Variants in CUX1 observed in about 807,000 individuals in gnomAD.
CUX1 encodes cut like homeobox 1, also known as protein CASP.
A neutral mutation model predicts 158.8 loss-of-function variants in CUX1; 31 were observed. That is an observed-to-expected ratio of 0.20 (90% CI 0.15 to 0.26). The LOEUF (loss-of-function observed/expected upper bound fraction) is 0.26. Among genes scored for constraint, CUX1 ranks in the 10% least tolerant of loss-of-function variants. The pLI is 1.00. For synonymous variants in CUX1, 879 were observed against 862.1 expected (o/e 1.02, Z -0.34); for missense variants, 1,589 against 2,014.6 (o/e 0.79, Z 4.04).
chr7:102,166,664 C>T (rs1312168250), intron 9 of CUX1, among the ~76,000 whole-genome samples: 3 of 152,258 alleles, frequency 2.0e-5, no homozygotes, highest in African/African-American at 7.2e-5. Context: ...TTTATCCCAG[C>T]TCCAGATCAG....
In CUX1 at chr7:102,139,251, A is replaced by G. The variant is rs528667399; in HGVS notation, c.675-19309A>G. Among the ~76,000 whole-genome samples the G allele has an allele frequency of 5.2e-3, 781 of 149,950 alleles. 5 individuals carry two copies. The highest frequency in any genetic ancestry group is 0.018 in the African/African-American group (748 of 40,968). ...CAGAGAGAGACTACATCTTAAAAAA[A>G]AAAAAAAAAAAAAAAAGGAATGGTA... On this transcript the variant is annotated intron_variant, in intron 8 of 23. Coordinates refer to ENST00000292535, the MANE Select transcript of CUX1 (RefSeq NM_181552.4).
At chr7:102,158,436 G>A (rs1790030380) in intron 8 of CUX1, 124 bp from the exon 9 acceptor site, 3 of 825,152 alleles carry the variant, frequency 3.6e-6, no homozygotes, top group Non-Finnish European at 6.0e-6. Flanking sequence ...CCTCCTGCTG[G>A]ACAGCATTGA....
intron 1 of CUX1, among the ~76,000 whole-genome samples, chr7:101,889,977 G>T (rs1800693781): frequency 6.6e-6 from 1 of 152,130 alleles, no homozygotes; most frequent in Non-Finnish European, 1.5e-5. Flanking sequence ...GGGTACCAGG[G>T]TCTTTGTAGC....
chr7:101,930,501 C>T (rs759019016), intron 2 of CUX1, among the ~76,000 whole-genome samples: 11 of 152,076 alleles, frequency 7.2e-5, no homozygotes, highest in South Asian at 2.1e-4. Context: ...GGGGATGGAG[C>T]GCGTGTGGTG....
At chr7:101,856,479 T>A (rs1338734491) in intron 1 of CUX1, among the ~76,000 whole-genome samples, 1 of 152,184 alleles carries the variant, frequency 6.6e-6, no homozygotes, top group East Asian at 1.9e-4. Context: ...GAAGACGAAG[T>A]GGACTTTACA....
intron 17 of CUX1, among the ~76,000 whole-genome samples, chr7:102,277,516 A>G (rs1274238732): frequency 2.0e-5 from 3 of 151,972 alleles, no homozygotes; most frequent in Non-Finnish European, 4.4e-5. Context: ...GAATCGCTTG[A>G]ACCCGGGAGG....
At chr7:102,062,096 G>A (rs1340032430) in intron 3 of CUX1, among the ~76,000 whole-genome samples, 1 of 152,176 alleles carries the variant, frequency 6.6e-6, no homozygotes, top group East Asian at 1.9e-4. Flanking sequence ...GCAGCAGAGG[G>A]AGGGAGCACA....
intron 3 of CUX1, among the ~76,000 whole-genome samples, chr7:102,037,596 C>T (rs1821586668): frequency 6.6e-6 from 1 of 151,358 alleles, no homozygotes; most frequent in Non-Finnish European, 1.5e-5. Flanking sequence ...ATGTGATCCA[C>T]CCACCTCGGC....
downstream of CUX1, among the ~76,000 whole-genome samples, chr7:102,260,570 C>CTTTTTTTTTTTTTT (rs55642237): frequency 2.0e-5 from 1 of 51,058 alleles, no homozygotes; most frequent in African/African-American, 8.3e-5. Context: ...CCACACCTGG[C>CTTTTTTTTTTTTTT]TTTTTTTTTT....
Position 102,254,838 on chromosome 7 carries a change from A to G in CUX1, c.*5796A>G, listed in dbSNP as rs1789716804. 1.0e-6 allele frequency: 1 copy of G among 985,474 alleles called. No individual in the cohort carries two copies. Among genetic ancestry groups the G allele is most frequent in the South Asian group, 4.7e-5 (1 of 21,290 alleles). The allele number at this position is 985,474 out of a possible 1,614,324, so 61.0% of individuals were successfully genotyped here. On this transcript the variant is annotated 3_prime_UTR_variant, in exon 24 of 24. Coordinates refer to ENST00000292535, the MANE Select transcript of CUX1 (RefSeq NM_181552.4). The stretch of plus-strand genomic sequence containing the variant: ...GTCTGGCCGGCACACTCGAACGCTA[A>G]GAGAATGGTCCAATTTGATGATCTT...
chr7:102,247,641 T>G (rs1377700783), intron 23 of CUX1, among the ~76,000 whole-genome samples: 1 of 152,008 alleles, frequency 6.6e-6, no homozygotes, highest in Admixed American at 6.6e-5. Flanking sequence ...CTGGGCAACA[T>G]GGCAAGACTC....
intron 1 of CUX1, among the ~76,000 whole-genome samples, chr7:101,826,082 A>G (rs565997345): frequency 6.6e-6 from 1 of 152,044 alleles, no homozygotes; most frequent in Non-Finnish European, 1.5e-5. Context: ...TTTCTGCCCC[A>G]CCTAAACCTT....
chr7:101,933,086 G>A (rs1806476260), intron 2 of CUX1, among the ~76,000 whole-genome samples: 1 of 152,204 alleles, frequency 6.6e-6, no homozygotes, highest in Non-Finnish European at 1.5e-5. Flanking sequence ...CAGAAGAGCC[G>A]AGAGTCATTT....
chr7:101,841,695 G>A (rs1795211825), intron 1 of CUX1, among the ~76,000 whole-genome samples: 1 of 151,924 alleles, frequency 6.6e-6, no homozygotes, highest in African/African-American at 2.4e-5. Flanking sequence ...GTAGCTGGGA[G>A]TATAGGCGTC....
intron 2 of CUX1, among the ~76,000 whole-genome samples, chr7:101,977,909 A>G (rs1187275613): frequency 6.6e-6 from 1 of 152,208 alleles, no homozygotes; most frequent in African/African-American, 2.4e-5. Context: ...ATTGAAAAGT[A>G]AAGCATGAGA....
chr7:102,151,757 A>T (rs934046946), intron 8 of CUX1, among the ~76,000 whole-genome samples: 1 of 143,504 alleles, frequency 7.0e-6, no homozygotes, highest in Admixed American at 6.9e-5. Context: ...AAAAAAAAAA[A>T]ACCTGGTTGG....
At chr7:102,126,392 G>A (rs781985088) in intron 8 of CUX1, among the ~76,000 whole-genome samples, 28 of 152,026 alleles carry the variant, frequency 1.8e-4, no homozygotes, top group Non-Finnish European at 2.6e-4. Context: ...ACAAAGTTTA[G>A]AAAATTCTCA....
intron 2 of CUX1, among the ~76,000 whole-genome samples, chr7:102,004,380 G>A (rs1214917679): frequency 6.6e-6 from 1 of 152,188 alleles, no homozygotes; most frequent in Admixed American, 6.5e-5. Flanking sequence ...GGGAGCACGG[G>A]TCGGATGGCT....
chr7:102,206,250 C>T (rs1358514382), intron 20 of CUX1, among the ~76,000 whole-genome samples: 1 of 152,172 alleles, frequency 6.6e-6, no homozygotes, highest in Non-Finnish European at 1.5e-5. Context: ...TCTGATTTGA[C>T]TCTGACCAAC....
Sources: allele counts gnomAD v4.1 joint callset (sites outside exome capture counted in the v4.1 genomes callset), GRCh38; gene constraint gnomAD v4.1.1; transcripts MANE v1.5; gene names NCBI Gene and HGNC (gene_info 2026-07-23, HGNC 2026-07-21).